The following SGCZ variants were observed in gnomAD, a reference collection of about 807,000 sequenced individuals.
SGCZ encodes sarcoglycan zeta, also known as zeta-sarcoglycan.
In SGCZ, 40 loss-of-function variants were observed where a neutral mutation model predicts 41.3. The observed-to-expected ratio is 0.97, with a 90% confidence interval of 0.75 to 1.26. SGCZ has a LOEUF of 1.26. Ranked by LOEUF, SGCZ falls within the 50% of genes most tolerant of loss-of-function variation. The pLI is 0.00. For synonymous variants in SGCZ, 206 were observed against 137.5 expected, an observed-to-expected ratio of 1.50 and a Z score of -3.49; for missense variants, 552 against 369.8, an observed-to-expected ratio of 1.49 and a Z score of -4.04.
intron 2 of SGCZ, among the ~76,000 whole-genome samples, chr8:14,480,683 T>C (rs185894621): frequency 1.3e-5 from 2 of 152,112 alleles, no homozygotes; most frequent in African/African-American, 2.4e-5. Context: ...TACATAGATA[T>C]AAACTTCTTG....
chr8:14,968,407 T>C lies in SGCZ; in HGVS notation c.39+269178A>G, dbSNP rs1027053767. Among the ~76,000 whole-genome samples, 5 of 152,270 alleles carry C rather than the reference T, an allele frequency of 3.3e-5. 1 individual carries two copies. The South Asian group carries it at 1.0e-3, about 32-fold the overall frequency. On this transcript the variant is annotated intron_variant, in intron 1 of 7. Transcript: ENST00000382080. ...AGGAAAAGAGGAATTTTTCAGGATT[T>C]GCTATAAACCAGAGAAATATCCCCA...
intron 1 of SGCZ, among the ~76,000 whole-genome samples, chr8:14,968,331 C>T (rs541425464): frequency 2.2e-4 from 34 of 152,112 alleles, no homozygotes; most frequent in Non-Finnish European, 4.0e-4. Flanking sequence ...CATCTGAAAC[C>T]TCAGAATTTT....
At chr8:14,320,145 G>A (rs1801867341) in intron 3 of SGCZ, among the ~76,000 whole-genome samples, 1 of 151,254 alleles carries the variant, frequency 6.6e-6, no homozygotes, top group South Asian at 2.1e-4. Flanking sequence ...GGAGTGGTTT[G>A]TGTTTCTTTA....
Position 14,514,427 on chromosome 8 carries a change from C to T in SGCZ, c.234+40305G>A, listed in dbSNP as rs77270320. On this transcript the variant is annotated intron_variant, in intron 2 of 7. Coordinates refer to ENST00000382080, the MANE Select transcript of SGCZ (RefSeq NM_139167.4). The stretch of plus-strand genomic sequence containing the variant: ...ATAGGAAAAACGACATCTCTTATAA[C>T]TTAGAGAATTAGTGTAAAACTCAAA... Among the ~76,000 whole-genome samples, 982 of 151,918 alleles carry T rather than the reference C, an allele frequency of 6.5e-3. 26 individuals carry two copies. The East Asian group carries it at 0.067, about 10-fold the overall frequency.
intron 2 of SGCZ, among the ~76,000 whole-genome samples, chr8:14,504,202 C>T (rs929688108): frequency 1.3e-5 from 2 of 152,154 alleles, no homozygotes; most frequent in Non-Finnish European, 2.9e-5. Flanking sequence ...ATTCAATTTG[C>T]CTTTAAATGT....
chr8:15,156,914 C>A (rs1171119346), intron 1 of SGCZ, among the ~76,000 whole-genome samples: 2 of 148,334 alleles, frequency 1.3e-5, no homozygotes, highest in Non-Finnish European at 3.0e-5. Flanking sequence ...CATCGCACTC[C>A]GCCTGGGCAA....
chr8:14,564,222 C>A (rs752199171), intron 1 of SGCZ, among the ~76,000 whole-genome samples: 1 of 152,180 alleles, frequency 6.6e-6, no homozygotes. Flanking sequence ...CAAATTTAAT[C>A]TGGATTCCAA....
At chr8:14,092,675 G>T (rs891641295) in intron 7 of SGCZ, among the ~76,000 whole-genome samples, 1 of 151,972 alleles carries the variant, frequency 6.6e-6, no homozygotes, top group Non-Finnish European at 1.5e-5. Flanking sequence ...CCTTTCACTT[G>T]GTTCTCTCCT....
chr8:14,800,965 C>T (rs976314772), intron 1 of SGCZ, among the ~76,000 whole-genome samples: 6 of 152,078 alleles, frequency 3.9e-5, no homozygotes, highest in African/African-American at 1.4e-4. Context: ...ATTTTAAACA[C>T]CAAAGGATAT....
intron 1 of SGCZ, among the ~76,000 whole-genome samples, chr8:14,772,835 C>T (rs971562846): frequency 2.6e-5 from 4 of 151,932 alleles, no homozygotes; most frequent in Non-Finnish European, 4.4e-5. Flanking sequence ...CATTGTTGGA[C>T]ATTTGGGTTG....
At chr8:15,066,105 G>A (rs1805132061) in intron 1 of SGCZ, among the ~76,000 whole-genome samples, 2 of 151,554 alleles carry the variant, frequency 1.3e-5, no homozygotes, top group East Asian at 2.0e-4. Flanking sequence ...TCAGGAGATC[G>A]AGACCATCCT....
chr8:15,224,846 A>T (rs948568793), intron 1 of SGCZ, among the ~76,000 whole-genome samples: 1 of 152,222 alleles, frequency 6.6e-6, no homozygotes. Flanking sequence ...TATGGCAGAC[A>T]TCATTAGCAG....
chr8:14,408,303 C>T (rs1331375556), intron 2 of SGCZ, among the ~76,000 whole-genome samples: 1 of 152,130 alleles, frequency 6.6e-6, no homozygotes, highest in East Asian at 1.9e-4. Context: ...TTTATGACCA[C>T]AGAATCTACT....
intron 1 of SGCZ, among the ~76,000 whole-genome samples, chr8:14,623,610 G>A (rs956686362): frequency 6.6e-6 from 1 of 152,128 alleles, no homozygotes; most frequent in East Asian, 1.9e-4. Flanking sequence ...CTTAGCTAGA[G>A]GTTACATTTT....
At chr8:14,555,700 T>G (rs533715439) in intron 1 of SGCZ, among the ~76,000 whole-genome samples, 1 of 152,194 alleles carries the variant, frequency 6.6e-6, no homozygotes, top group South Asian at 2.1e-4. Flanking sequence ...AGAGAGAGAC[T>G]GAGTCTACCA....
chr8:14,873,314 C>T (rs1804233534), intron 1 of SGCZ, among the ~76,000 whole-genome samples: 1 of 152,050 alleles, frequency 6.6e-6, no homozygotes, highest in African/African-American at 2.4e-5. Context: ...TGTTGGTATG[C>T]CCAATTGCCT....
intron 3 of SGCZ, among the ~76,000 whole-genome samples, chr8:14,263,274 G>T (rs979991730): frequency 4.6e-5 from 7 of 152,134 alleles, no homozygotes; most frequent in African/African-American, 1.7e-4. Context: ...TTAAAAATCA[G>T]AAAAGGCCTC....
intron 1 of SGCZ, among the ~76,000 whole-genome samples, chr8:15,170,903 T>A (rs1051527654): frequency 6.6e-6 from 1 of 152,198 alleles, no homozygotes; most frequent in African/African-American, 2.4e-5. Context: ...AGTTGTGTAA[T>A]CCAGTGAAAT....
At position 15,084,924 on chromosome 8, in the gene SGCZ, TC is replaced by T. The variant is rs562818633; in HGVS notation, c.39+152660del. Among the ~76,000 whole-genome samples, 67 of 152,262 alleles carry T rather than the reference TC, an allele frequency of 4.4e-4. 1 individual carries two copies. Among genetic ancestry groups the T allele is most frequent in the Admixed American group, 1.0e-3 (16 of 15,290 alleles). ...ATCTTATGAAACCACACCAAATGCC[TC>T]CCCTCTTTCTCTTAGCTCCATTAGC... On this transcript the variant is annotated intron_variant, in intron 1 of 7. Coordinates refer to ENST00000382080, the MANE Select transcript of SGCZ (RefSeq NM_139167.4).
Sources: allele counts gnomAD v4.1 joint callset (sites outside exome capture counted in the v4.1 genomes callset), GRCh38; gene constraint gnomAD v4.1.1; transcripts MANE v1.5; gene names NCBI Gene and HGNC (gene_info 2026-07-23, HGNC 2026-07-21).